KLF15: variants seen among roughly 807,000 people sequenced by gnomAD.
KLF15 encodes the protein Krueppel-like factor 15.
Under a neutral mutation model 24.6 loss-of-function variants are expected in KLF15, and 4 were observed. The ratio of observed to expected loss-of-function variants is 0.16; its 90% CI spans 0.08 to 0.37. The LOEUF is 0.37. Among genes scored for constraint, KLF15 ranks in the 10% least tolerant of loss-of-function variants. The pLI is 1.00. For synonymous variants in KLF15, 246 were observed against 236.3 expected (o/e 1.04, Z -0.37); for missense variants, 496 against 560.6 (o/e 0.88, Z 1.16).
the KLF15 span, among the ~76,000 whole-genome samples, chr3:126,313,519 G>A: frequency 2.1e-4 from 32 of 152,162 alleles, 1 homozygote; most frequent in Admixed American, 2.0e-3. Flanking sequence ...AATTTTGGGG[G>A]ACATGATTCA....
chr3:126,354,662 A>G (rs2082616100), intron 1 of KLF15, among the ~76,000 whole-genome samples: 1 of 152,034 alleles, frequency 6.6e-6, no homozygotes, highest in South Asian at 2.1e-4. Context: ...AAGGATTTAA[A>G]CCTGGAATAT....
At chr3:126,324,999 C>T in the KLF15 span, among the ~76,000 whole-genome samples, 1 of 102,676 alleles carries the variant, frequency 9.7e-6, no homozygotes, top group Non-Finnish European at 1.9e-5. Context: ...GTGATATTCC[C>T]CTTCCTGTGT....
At chr3:126,291,913 G>A in the KLF15 span, among the ~76,000 whole-genome samples, 243 of 152,296 alleles carry the variant, frequency 1.6e-3, no homozygotes, top group African/African-American at 5.4e-3. Flanking sequence ...TCTTACTTCA[G>A]CCCAGAAGTC....
chr3:126,314,207 C>T, the KLF15 span, among the ~76,000 whole-genome samples: 1 of 152,210 alleles, frequency 6.6e-6, no homozygotes. Context: ...GGGGTGCTCT[C>T]GGGGTTCCAA....
the KLF15 span, chr3:126,293,947 A>T: frequency 6.6e-6 from 1 of 152,226 alleles, no homozygotes; most frequent in South Asian, 2.1e-4. Flanking sequence ...GCTGGACGGC[A>T]GGCAGGCCCC....
At chr3:126,299,747 C>CAAAA in the KLF15 span, among the ~76,000 whole-genome samples, 1 of 55,974 alleles carries the variant, frequency 1.8e-5, no homozygotes, top group Non-Finnish European at 3.1e-5. Context: ...CACTCCATCT[C>CAAAA]AAAAAAAAAA....
At chr3:126,354,944 G>A (rs552131351) in intron 1 of KLF15, among the ~76,000 whole-genome samples, 6 of 152,224 alleles carry the variant, frequency 3.9e-5, no homozygotes, top group Middle Eastern at 3.2e-3. Flanking sequence ...TGAGAATTCC[G>A]TGAGCTGACG....
At chr3:126,309,564 G>A in the KLF15 span, among the ~76,000 whole-genome samples, 70 of 152,326 alleles carry the variant, frequency 4.6e-4, no homozygotes, top group Middle Eastern at 3.4e-3. Flanking sequence ...ATTAATCGGC[G>A]CACACATGTG....
At chr3:126,295,622 C>A in the KLF15 span, among the ~76,000 whole-genome samples, 1 of 152,216 alleles carries the variant, frequency 6.6e-6, no homozygotes, top group Non-Finnish European at 1.5e-5. Context: ...CTTCACATGG[C>A]TACCAACAAG....
At chr3:126,354,943 C>T (rs910655306) in intron 1 of KLF15, among the ~76,000 whole-genome samples, 3 of 152,228 alleles carry the variant, frequency 2.0e-5, no homozygotes, top group Non-Finnish European at 2.9e-5. Context: ...GTGAGAATTC[C>T]GTGAGCTGAC....
chr3:126,297,391 GCTTT>G, the KLF15 span, among the ~76,000 whole-genome samples: 5 of 151,992 alleles, frequency 3.3e-5, no homozygotes, highest in Non-Finnish European at 4.4e-5. Context: ...GTAAAATATT[GCTTT>G]CTATCATATA....
intron 1 of KLF15, chr3:126,354,024 G>C (rs75964581): frequency 1.3e-5 from 2 of 152,372 alleles, no homozygotes; most frequent in African/African-American, 4.8e-5. Flanking sequence ...CCTTGCGAAG[G>C]TTCAGCTAAT....
the KLF15 span, among the ~76,000 whole-genome samples, chr3:126,303,894 C>T: frequency 0.025 from 3,769 of 152,018 alleles, 111 homozygotes; most frequent in African/African-American, 0.075. Context: ...TTTTCTGCAA[C>T]GTGTAATTTG....
At chr3:126,334,375 G>A in the KLF15 span, among the ~76,000 whole-genome samples, 4 of 133,162 alleles carry the variant, frequency 3.0e-5, no homozygotes, top group Admixed American at 7.8e-5. Flanking sequence ...TGAAACCAAC[G>A]AGAACAAAGA....
chr3:126,288,981 A>C, the KLF15 span: 5 of 152,304 alleles, frequency 3.3e-5, no homozygotes, highest in Admixed American at 3.3e-4. Flanking sequence ...GATTTCGAAA[A>C]CCTCCAAAAA....
At chr3:126,309,337 C>T in the KLF15 span, among the ~76,000 whole-genome samples, 395 of 152,302 alleles carry the variant, frequency 2.6e-3, 2 homozygotes, top group African/African-American at 9.2e-3. Flanking sequence ...TACCACAATG[C>T]GTGCATCCTG....
chr3:126,308,932 G>A, the KLF15 span, among the ~76,000 whole-genome samples: 1 of 152,220 alleles, frequency 6.6e-6, no homozygotes, highest in African/African-American at 2.4e-5. Flanking sequence ...TTGTGATCAG[G>A]GAGAGGGGAT....
At chr3:126,294,380 A>G in the KLF15 span, among the ~76,000 whole-genome samples, 1 of 151,950 alleles carries the variant, frequency 6.6e-6, no homozygotes, top group African/African-American at 2.4e-5. Context: ...TAATTTTACT[A>G]TCCTCTGGTG....
the KLF15 span, among the ~76,000 whole-genome samples, chr3:126,323,648 C>G: frequency 6.8e-6 from 1 of 146,734 alleles, no homozygotes; most frequent in Non-Finnish European, 1.5e-5. Flanking sequence ...ACTAGGTTCC[C>G]TCCCCTGGCC....
Sources: allele counts gnomAD v4.1 joint callset (sites outside exome capture counted in the v4.1 genomes callset), GRCh38; gene constraint gnomAD v4.1.1; transcripts MANE v1.5; gene names NCBI Gene and HGNC (gene_info 2026-07-23, HGNC 2026-07-21).